The following PTPN22 variants were observed in gnomAD, a reference collection of about 807,000 sequenced individuals.
PTPN22 encodes the protein protein tyrosine phosphatase non-receptor type 22.
In PTPN22, 85 loss-of-function variants were observed where a neutral mutation model predicts 103.3. That is an observed-to-expected ratio of 0.82 (90% CI 0.69 to 0.99). The LOEUF (loss-of-function observed/expected upper bound fraction) is 0.99. Among genes scored for constraint, PTPN22 ranks in the 50% least tolerant of loss-of-function variants. PTPN22 has a pLI of 0.00. For synonymous variants in PTPN22, 323 were observed against 310.2 expected, an observed-to-expected ratio of 1.04 and a Z score of -0.43; for missense variants, 865 against 936.9, an observed-to-expected ratio of 0.92 and a Z score of 1.00.
At chr1:113,815,446 A>G (rs949137291) in intron 20 of PTPN22, 17 of 152,386 alleles carry the variant, frequency 1.1e-4, no homozygotes, top group African/African-American at 4.1e-4. Context: ...TCTTAGAAAA[A>G]ATAAACAATC....
chr1:113,843,801 T>C (rs1197136089), intron 11 of PTPN22, among the ~76,000 whole-genome samples: 1 of 152,252 alleles, frequency 6.6e-6, no homozygotes, highest in African/African-American at 2.4e-5. Context: ...TAGAATTCTC[T>C]AGTGAAACTA....
At chr1:113,828,566 A>G (rs1175452049) in intron 18 of PTPN22, among the ~76,000 whole-genome samples, 1 of 152,076 alleles carries the variant, frequency 6.6e-6, no homozygotes, top group East Asian at 1.9e-4. Flanking sequence ...TTCTACATAT[A>G]TTTGGATCTA....
chr1:113,839,039 T>C (rs1663277981), intron 11 of PTPN22, among the ~76,000 whole-genome samples: 1 of 152,222 alleles, frequency 6.6e-6, no homozygotes, highest in African/African-American at 2.4e-5. Flanking sequence ...ACTGGTTTTC[T>C]TGCCATTACT....
intron 1 of PTPN22, among the ~76,000 whole-genome samples, chr1:113,864,614 C>CAA (rs34054118): frequency 1.3e-4 from 9 of 70,906 alleles, no homozygotes; most frequent in Non-Finnish European, 1.6e-4. Context: ...GGCCCTGTCT[C>CAA]AAAAAAAAAA....
chr1:113,842,819 C>T (rs886404446), intron 11 of PTPN22, among the ~76,000 whole-genome samples: 4 of 150,754 alleles, frequency 2.7e-5, no homozygotes, highest in Admixed American at 6.6e-5. Flanking sequence ...GAAAACTAAA[C>T]GGCCGGGCGC....
intron 13 of PTPN22, among the ~76,000 whole-genome samples, chr1:113,835,752 T>C (rs907719671): frequency 1.3e-5 from 2 of 152,144 alleles, no homozygotes; most frequent in African/African-American, 4.8e-5. Flanking sequence ...CTTCATTCTA[T>C]ACAAAATTCA....
At chr1:113,849,673 G>T (rs1664390863) in intron 10 of PTPN22, among the ~76,000 whole-genome samples, 1 of 150,358 alleles carries the variant, frequency 6.7e-6, no homozygotes, top group Non-Finnish European at 1.5e-5. Context: ...CTGCAGCCTC[G>T]ACCTCCCAGG....
intron 20 of PTPN22, among the ~76,000 whole-genome samples, chr1:113,818,225 C>T (rs754638091): frequency 1.3e-4 from 20 of 151,462 alleles, no homozygotes; most frequent in East Asian, 1.9e-4. Context: ...AGTGCAGTGG[C>T]GCAATCTCAG....
At chr1:113,828,134 C>A (rs1662247699) in intron 18 of PTPN22, among the ~76,000 whole-genome samples, 1 of 152,152 alleles carries the variant, frequency 6.6e-6, no homozygotes, top group Admixed American at 6.5e-5. Context: ...AGTTCTTTAT[C>A]TATTAGAGTA....
intron 15 of PTPN22, among the ~76,000 whole-genome samples, chr1:113,833,732 A>G (rs1373332376): frequency 6.6e-6 from 1 of 152,114 alleles, no homozygotes; most frequent in Non-Finnish European, 1.5e-5. Flanking sequence ...TACTTTCAAT[A>G]ATTATTTTCT....
At chr1:113,829,284 T>TAG (rs1662350389) in intron 18 of PTPN22, 1 of 174,988 alleles carries the variant, frequency 5.7e-6, no homozygotes. Flanking sequence ...CAGGGGTATG[T>TAG]GTGCCAGTTT....
intron 1 of PTPN22, among the ~76,000 whole-genome samples, chr1:113,866,556 A>T (rs1479952863): frequency 5.9e-5 from 9 of 152,190 alleles, no homozygotes; most frequent in Middle Eastern, 3.4e-3. Context: ...ACATAGACAA[A>T]TATATGTCCA....
intron 1 of PTPN22, among the ~76,000 whole-genome samples, chr1:113,863,925 A>AT (rs1346399770): frequency 8.1e-4 from 16 of 19,726 alleles, no homozygotes; most frequent in African/African-American, 2.0e-3. Flanking sequence ...ATATATATAT[A>AT]TATTTTTTTT....
At chr1:113,825,247 C>A in intron 18 of PTPN22, 75 bp from the exon 19 acceptor site, 1 of 932,862 alleles carries the variant, frequency 1.1e-6, no homozygotes, top group Admixed American at 3.0e-5. Context: ...GAAATATAGA[C>A]TTAAGTGAAA....
At position 113,848,408 on chromosome 1, in the gene PTPN22, G is replaced by A. The variant is rs917890902; in HGVS notation, c.915+132C>T. ...TGTCATTTTCCACAGGAAATTTTCA[G>A]TGCAGCCCTATGCACACCTGACGCT... On this transcript the variant is annotated intron_variant, in intron 11 of 20. Transcript: ENST00000359785. 7.5e-5 allele frequency: 94 copies of A among 1,249,366 alleles called. 1 individual carries two copies. In the Middle Eastern group the frequency reaches 1.1e-3, roughly 15 times the overall value. The allele number at this position is 1,249,366 out of a possible 1,614,324, so 77.4% of individuals were successfully genotyped here. A position where few individuals can be genotyped will look rare whatever the true frequency, so the allele number is the denominator to read the frequency against.
At chr1:113,817,063 C>A (rs1661215500) in intron 20 of PTPN22, among the ~76,000 whole-genome samples, 1 of 151,990 alleles carries the variant, frequency 6.6e-6, no homozygotes, top group Non-Finnish European at 1.5e-5. Context: ...GACACACAGC[C>A]TAGTTGATGT....
intron 5 of PTPN22, among the ~76,000 whole-genome samples, chr1:113,857,320 T>C (rs937618679): frequency 1.3e-5 from 2 of 152,194 alleles, no homozygotes; most frequent in Admixed American, 1.3e-4. Context: ...GAATTGCATG[T>C]CAGTTTTTAA....
intron 20 of PTPN22, among the ~76,000 whole-genome samples, chr1:113,818,279 C>T (rs541880304): frequency 4.4e-4 from 67 of 152,170 alleles, no homozygotes; most frequent in African/African-American, 1.5e-3. Context: ...ATTCTCCTGC[C>T]TCTGCCTCCT....
intron 1 of PTPN22, among the ~76,000 whole-genome samples, chr1:113,869,754 G>A: frequency 6.6e-6 from 1 of 152,094 alleles, no homozygotes; most frequent in South Asian, 2.1e-4. Flanking sequence ...CTGCCCCTCA[G>A]CTCACTTTTT....
Sources: allele counts gnomAD v4.1 joint callset (sites outside exome capture counted in the v4.1 genomes callset), GRCh38; gene constraint gnomAD v4.1.1; transcripts MANE v1.5; gene names NCBI Gene and HGNC (gene_info 2026-07-23, HGNC 2026-07-21).